ABTB3: variants seen among roughly 807,000 people sequenced by gnomAD.
ABTB3 encodes the protein ankyrin repeat- and BTB/POZ domain-containing protein 3.
the ABTB3 span, among the ~76,000 whole-genome samples, chr12:107,455,133 C>T: frequency 3.9e-5 from 6 of 152,294 alleles, no homozygotes; most frequent in African/African-American, 1.4e-4. Flanking sequence ...GTCAGAGAGC[C>T]CAAGCATGTG....
At chr12:107,457,445 G>T in the ABTB3 span, among the ~76,000 whole-genome samples, 1 of 152,200 alleles carries the variant, frequency 6.6e-6, no homozygotes, top group East Asian at 1.9e-4. Context: ...CGAAGACATT[G>T]GTTATGCCGA....
chr12:107,458,137 C>G, the ABTB3 span, among the ~76,000 whole-genome samples: 2 of 152,168 alleles, frequency 1.3e-5, no homozygotes, highest in African/African-American at 4.8e-5. Context: ...CTATGTCAAG[C>G]CCTGTCTAAT....
At chr12:107,555,721 C>T in the ABTB3 span, among the ~76,000 whole-genome samples, 1 of 152,206 alleles carries the variant, frequency 6.6e-6, no homozygotes, top group African/African-American at 2.4e-5. Context: ...ATTTCAGATG[C>T]TTGACAGCTG....
chr12:107,577,798 C>T, the ABTB3 span, among the ~76,000 whole-genome samples: 1 of 152,030 alleles, frequency 6.6e-6, no homozygotes. Context: ...ATGCAGATGC[C>T]CAGGCCCTAC....
chr12:107,460,801 C>T, the ABTB3 span, among the ~76,000 whole-genome samples: 2 of 152,128 alleles, frequency 1.3e-5, no homozygotes, highest in Non-Finnish European at 2.9e-5. Context: ...AGAGAGGGTC[C>T]CAGTGGGGAA....
At chr12:107,351,349 A>G in the ABTB3 span, among the ~76,000 whole-genome samples, 5 of 152,126 alleles carry the variant, frequency 3.3e-5, no homozygotes, top group Admixed American at 1.3e-4. Context: ...ATTGTGTTCC[A>G]CTGCACTTTG....
the ABTB3 span, among the ~76,000 whole-genome samples, chr12:107,554,529 T>C: frequency 6.6e-6 from 1 of 152,220 alleles, no homozygotes; most frequent in African/African-American, 2.4e-5. Flanking sequence ...TTTGTGTTAA[T>C]ATATTTAAAG....
the ABTB3 span, among the ~76,000 whole-genome samples, chr12:107,637,991 G>A: frequency 6.6e-6 from 1 of 152,070 alleles, no homozygotes; most frequent in Non-Finnish European, 1.5e-5. Context: ...ACCGAGCAGA[G>A]AGAAAGTCAA....
At chr12:107,484,053 A>C in the ABTB3 span, among the ~76,000 whole-genome samples, 1 of 152,150 alleles carries the variant, frequency 6.6e-6, no homozygotes, top group African/African-American at 2.4e-5. Context: ...CTCATAAAGA[A>C]GTGTCTGTAA....
chr12:107,464,273 G>A, the ABTB3 span, among the ~76,000 whole-genome samples: 5,609 of 150,478 alleles, frequency 0.037, 206 homozygotes, highest in East Asian at 0.19. Context: ...TTATGCAGTG[G>A]CCAGAGAAGG....
the ABTB3 span, among the ~76,000 whole-genome samples, chr12:107,461,076 A>G: frequency 6.6e-6 from 1 of 152,140 alleles, no homozygotes; most frequent in East Asian, 1.9e-4. Flanking sequence ...AAGGAGAAGC[A>G]AAGGCACGTC....
chr12:107,357,266 G>A, the ABTB3 span, among the ~76,000 whole-genome samples: 82 of 152,298 alleles, frequency 5.4e-4, no homozygotes, highest in South Asian at 0.011. Flanking sequence ...CAACTGCTCC[G>A]TTGTGGGCAT....
At chr12:107,355,626 T>C in the ABTB3 span, among the ~76,000 whole-genome samples, 1 of 152,194 alleles carries the variant, frequency 6.6e-6, no homozygotes, top group Non-Finnish European at 1.5e-5. Context: ...GATGTAAAGA[T>C]ATAAAATAAT....
At chr12:107,318,870 G>A in the ABTB3 span, 2 of 1,476,286 alleles carry the variant, frequency 1.4e-6, no homozygotes, top group Non-Finnish European at 9.0e-7. Flanking sequence ...CCCGCGCCCC[G>A]CGGCACTCGC....
the ABTB3 span, among the ~76,000 whole-genome samples, chr12:107,573,143 T>C: frequency 2.0e-5 from 3 of 152,218 alleles, no homozygotes; most frequent in Non-Finnish European, 4.4e-5. Flanking sequence ...GAGGCCTCTG[T>C]TTCATGGTTC....
At chr12:107,440,865 A>G in the ABTB3 span, among the ~76,000 whole-genome samples, 1 of 152,246 alleles carries the variant, frequency 6.6e-6, no homozygotes, top group African/African-American at 2.4e-5. Context: ...GGCCAAGGGC[A>G]TGAAATATAT....
the ABTB3 span, among the ~76,000 whole-genome samples, chr12:107,512,842 T>C: frequency 6.6e-6 from 1 of 152,230 alleles, no homozygotes; most frequent in Non-Finnish European, 1.5e-5. Flanking sequence ...AAATGTTTTA[T>C]ACATATTAAC....
the ABTB3 span, among the ~76,000 whole-genome samples, chr12:107,647,075 T>A: frequency 6.6e-6 from 1 of 152,138 alleles, no homozygotes; most frequent in Non-Finnish European, 1.5e-5. Flanking sequence ...ACACTTGTAA[T>A]CCCAGTGCTT....
the ABTB3 span, among the ~76,000 whole-genome samples, chr12:107,341,955 A>G: frequency 6.6e-6 from 1 of 152,168 alleles, no homozygotes; most frequent in African/African-American, 2.4e-5. Flanking sequence ...AGGCCTCCCC[A>G]GAAGCCAAGC....
Sources: gnomAD v4.1 joint callset for allele counts (sites outside exome capture counted in the v4.1 genomes callset) on GRCh38, gnomAD v4.1.1 for gene constraint, MANE v1.5 for transcripts, NCBI Gene and HGNC (gene_info 2026-07-23, HGNC 2026-07-21) for gene names.